PHACTR1: variants seen among roughly 807,000 people sequenced by gnomAD.
PHACTR1 encodes the protein phosphatase and actin regulator 1.
A neutral mutation model predicts 69.2 loss-of-function variants in PHACTR1; 16 were observed. The observed-to-expected ratio is 0.23, with a 90% CI of 0.16 to 0.35. PHACTR1 has a LOEUF of 0.35. Among genes scored for constraint, PHACTR1 ranks in the 10% least tolerant of loss-of-function variants. The pLI is 1.00. For synonymous variants in PHACTR1, 312 were observed against 284.5 expected, an observed-to-expected ratio of 1.10 and a Z score of -0.97; for missense variants, 510 against 734.7, an observed-to-expected ratio of 0.69 and a Z score of 3.54.
chr6:13,225,448 A>G (rs547572922), intron 8 of PHACTR1, among the ~76,000 whole-genome samples: 1 of 152,290 alleles, frequency 6.6e-6, no homozygotes, highest in East Asian at 1.9e-4. Flanking sequence ...GGTACCTTTC[A>G]AAGTAGCCAG....
intron 4 of PHACTR1, among the ~76,000 whole-genome samples, chr6:12,851,307 C>A (rs773559125): frequency 1.3e-5 from 2 of 152,032 alleles, no homozygotes; most frequent in Admixed American, 6.6e-5. Context: ...AATACACAGG[C>A]GAACATTTAA....
intron 4 of PHACTR1, among the ~76,000 whole-genome samples, chr6:13,045,848 C>A (rs1002465610): frequency 6.6e-6 from 1 of 152,182 alleles, no homozygotes; most frequent in Admixed American, 6.5e-5. Flanking sequence ...GGGAGAGCTG[C>A]CTTTACCAGG....
rs1179658371 is a variant in PHACTR1, at chr6:12,977,319, G to A, written c.251-76046G>A. ...ATGTACCTCCCTGCAGATAAGGAGG[G>A]ACGGCTATATATTGCTGCTGTTCCT... On this transcript the variant is annotated intron_variant, in intron 4 of 14. Coordinates refer to ENST00000332995, the MANE Select transcript of PHACTR1 (RefSeq NM_030948.6). Among the ~76,000 whole-genome samples the A allele has an allele frequency of 2.0e-5, 3 of 152,002 alleles. No homozygotes were observed. In the East Asian group the frequency reaches 5.8e-4, roughly 29 times the overall value.
intron 4 of PHACTR1, among the ~76,000 whole-genome samples, chr6:12,939,537 G>C (rs756342611): frequency 1.3e-5 from 2 of 152,172 alleles, no homozygotes; most frequent in Non-Finnish European, 2.9e-5. Context: ...TCCCAGCCAA[G>C]TCTAAGGCTG....
intron 4 of PHACTR1, among the ~76,000 whole-genome samples, chr6:12,903,929 T>C (rs1323265970): frequency 1.3e-5 from 2 of 152,204 alleles, no homozygotes; most frequent in Non-Finnish European, 2.9e-5. Flanking sequence ...TAATTTAGCA[T>C]CTTATTAAGG....
chr6:13,084,737 G>T (rs1176447162), intron 5 of PHACTR1, among the ~76,000 whole-genome samples: 1 of 151,996 alleles, frequency 6.6e-6, no homozygotes, highest in East Asian at 1.9e-4. Flanking sequence ...AGAAGAGGGG[G>T]TGGCGTGAAT....
intron 4 of PHACTR1, among the ~76,000 whole-genome samples, chr6:12,904,272 G>A (rs955225639): frequency 7.2e-5 from 11 of 152,010 alleles, no homozygotes; most frequent in African/African-American, 2.4e-4. Flanking sequence ...TTACGGCCGG[G>A]TGCAGTGGCT....
intron 5 of PHACTR1, among the ~76,000 whole-genome samples, chr6:13,147,462 T>G (rs887831543): frequency 6.6e-6 from 1 of 152,228 alleles, no homozygotes; most frequent in African/African-American, 2.4e-5. Flanking sequence ...TCCTTACTTC[T>G]GTAAAATTAC....
intron 4 of PHACTR1, among the ~76,000 whole-genome samples, chr6:12,995,088 T>C (rs1252360896): frequency 1.3e-5 from 2 of 151,964 alleles, no homozygotes; most frequent in African/African-American, 2.4e-5. Flanking sequence ...GAAACAATGA[T>C]GGAATGTTTT....
chr6:13,114,498 T>C (rs1193891416), intron 5 of PHACTR1, among the ~76,000 whole-genome samples: 1 of 152,172 alleles, frequency 6.6e-6, no homozygotes, highest in African/African-American at 2.4e-5. Flanking sequence ...ATAGCATAAA[T>C]GTAAAGTAAC....
At chr6:12,975,991 T>C (rs1794832843) in intron 4 of PHACTR1, among the ~76,000 whole-genome samples, 1 of 152,198 alleles carries the variant, frequency 6.6e-6, no homozygotes, top group African/African-American at 2.4e-5. Flanking sequence ...TTTAGAAATA[T>C]ATGGGGCGGG....
chr6:13,043,786 T>A (rs746485939), intron 4 of PHACTR1, among the ~76,000 whole-genome samples: 1 of 152,226 alleles, frequency 6.6e-6, no homozygotes, highest in Non-Finnish European at 1.5e-5. Context: ...TATCAGACCC[T>A]AGGGTCTAAA....
intron 4 of PHACTR1, among the ~76,000 whole-genome samples, chr6:12,789,059 T>C (rs900761805): frequency 6.6e-6 from 1 of 152,236 alleles, no homozygotes; most frequent in Non-Finnish European, 1.5e-5. Flanking sequence ...TTTGTTCTTC[T>C]TTTGTATGTC....
intron 4 of PHACTR1, among the ~76,000 whole-genome samples, chr6:12,764,786 T>C (rs1171273044): frequency 6.6e-6 from 1 of 152,136 alleles, no homozygotes; most frequent in Admixed American, 6.5e-5. Flanking sequence ...ATTTGCAATC[T>C]ATCATCATGC....
intron 3 of PHACTR1, among the ~76,000 whole-genome samples, chr6:12,720,101 C>T (rs763208376): frequency 1.3e-5 from 2 of 152,136 alleles, no homozygotes; most frequent in South Asian, 4.1e-4. Context: ...GAGAGACTGG[C>T]CAGGACCTCC....
intron 4 of PHACTR1, among the ~76,000 whole-genome samples, chr6:12,906,324 A>G (rs9472893): frequency 0.015 from 2,235 of 152,306 alleles, 48 homozygotes; most frequent in African/African-American, 0.051. Context: ...CTATTTTCTC[A>G]TTTCCTATGA....
chr6:12,840,189 G>T (rs1180214856), intron 4 of PHACTR1, among the ~76,000 whole-genome samples: 1 of 152,102 alleles, frequency 6.6e-6, no homozygotes, highest in Non-Finnish European at 1.5e-5. Flanking sequence ...GACTGATCAA[G>T]GGGATCTGAT....
At chr6:13,152,732 G>A (rs1261619684) in intron 5 of PHACTR1, among the ~76,000 whole-genome samples, 4 of 152,202 alleles carry the variant, frequency 2.6e-5, no homozygotes, top group Admixed American at 6.5e-5. Context: ...CAGGTATGGT[G>A]AGGCCAACAG....
At chr6:13,209,257 C>T (rs1417433817) in intron 8 of PHACTR1, among the ~76,000 whole-genome samples, 1 of 152,100 alleles carries the variant, frequency 6.6e-6, no homozygotes, top group Admixed American at 6.5e-5. Context: ...TGGGTGATTT[C>T]CCCCTGATTT....
Sources: allele counts gnomAD v4.1 joint callset (sites outside exome capture counted in the v4.1 genomes callset), GRCh38; gene constraint gnomAD v4.1.1; transcripts MANE v1.5; gene names NCBI Gene and HGNC (gene_info 2026-07-23, HGNC 2026-07-21).